SORCS3: variants seen among roughly 807,000 people sequenced by gnomAD.
SORCS3 encodes sortilin related VPS10 domain containing receptor 3.
In SORCS3, 57 loss-of-function variants were observed where a neutral mutation model predicts 146.3. The observed-to-expected ratio is 0.39, with a 90% CI of 0.31 to 0.49. SORCS3 has a LOEUF of 0.49. Among genes scored for constraint, SORCS3 ranks in the 20% least tolerant of loss-of-function variants. The pLI, the probability that SORCS3 is intolerant of heterozygous loss-of-function variation, is 0.92. For missense variants in SORCS3, 1,341 were observed against 1,575.5 expected (o/e 0.85, Z 2.52); for synonymous variants, 653 against 618.5 (o/e 1.06, Z -0.83).
Position 104,696,508 on chromosome 10 carries a change from AT to A in SORCS3, c.627+54555del, listed in dbSNP as rs1439862799. 1.9e-4 allele frequency among the ~76,000 whole-genome samples: 17 copies of A among 91,116 alleles called. 3 individuals carry two copies. The highest frequency in any genetic ancestry group is 7.5e-4 in the African/African-American group (15 of 20,046). 59.8% of individuals were successfully genotyped at this position (91,116 alleles called of 152,430 possible). A position where few individuals can be genotyped will look rare whatever the true frequency, so the allele number is the denominator to read the frequency against. On this transcript the variant is annotated intron_variant, in intron 1 of 26. Transcript: ENST00000369701. ...ATATAATATATAATATATATAATATATAATATATAATATAGAATATATATTA... is the reference window on the plus strand; with the variant it reads ...ATATAATATATAATATATATAATATAAATATATAATATAGAATATATATTA...
In SORCS3 at chr10:105,256,801, T is replaced by A; in HGVS notation, c.3338-18T>A. 1 of 1,597,658 alleles carries A rather than the reference T, an allele frequency of 6.3e-7. No homozygotes were observed. Among genetic ancestry groups the A allele is most frequent in the Non-Finnish European group, 8.6e-7 (1 of 1,165,216 alleles). ...GTGAGCATATCTGTTCTTTTCCTTA[T>A]CTGTTCTTCTTTCCAAGCTCCATTG... On this transcript the variant is annotated intron_variant, in intron 24 of 26. Transcript: ENST00000369701.
chr10:105,255,211 A>AAAAAT, intron 23 of SORCS3, among the ~76,000 whole-genome samples: 1 of 150,612 alleles, frequency 6.6e-6, no homozygotes. Flanking sequence ...AAAAAAAAAA[A>AAAAAT]GTGGATCTGC....
chr10:105,076,070 GTGTACATGTTCATTAA>G (rs2055586865), intron 5 of SORCS3, among the ~76,000 whole-genome samples: 1 of 152,172 alleles, frequency 6.6e-6, no homozygotes, highest in Admixed American at 6.5e-5. Context: ...TTGGAACCTG[GTGTACATGTTCATTAA>G]TGTGTTCTTG....
chr10:105,037,461 C>A (rs555068550), intron 4 of SORCS3, among the ~76,000 whole-genome samples: 15 of 152,202 alleles, frequency 9.9e-5, no homozygotes, highest in Admixed American at 7.2e-4. Flanking sequence ...CCCTGTGAAG[C>A]ATTTAGGGGA....
chr10:104,991,734 T>C (rs2054995800), intron 4 of SORCS3, among the ~76,000 whole-genome samples: 2 of 152,010 alleles, frequency 1.3e-5, no homozygotes, highest in African/African-American at 4.8e-5. Context: ...CTCCTGACCT[T>C]GTGATCCGCC....
chr10:104,653,913 A>AT (rs1158882566), intron 1 of SORCS3, among the ~76,000 whole-genome samples: 1 of 151,892 alleles, frequency 6.6e-6, no homozygotes, highest in Non-Finnish European at 1.5e-5. Flanking sequence ...CATTCATTTT[A>AT]TTTTTTGTAC....
intron 4 of SORCS3, among the ~76,000 whole-genome samples, chr10:104,988,730 CT>C (rs1162452910): frequency 6.6e-6 from 1 of 152,060 alleles, no homozygotes; most frequent in Non-Finnish European, 1.5e-5. Flanking sequence ...ATGTATTATG[CT>C]TTAAATGAAA....
chr10:104,938,493 A>G (rs1371834130), intron 3 of SORCS3, among the ~76,000 whole-genome samples: 1 of 152,028 alleles, frequency 6.6e-6, no homozygotes, highest in East Asian at 1.9e-4. Flanking sequence ...TAGATTCCCC[A>G]TGTTTCCTTT....
intron 1 of SORCS3, among the ~76,000 whole-genome samples, chr10:104,795,942 T>G (rs191823476): frequency 2.0e-5 from 3 of 152,344 alleles, no homozygotes; most frequent in Admixed American, 2.0e-4. Flanking sequence ...ACTTTAGCCT[T>G]CTCCATACTG....
chr10:104,730,608 A>G (rs1488915590), intron 1 of SORCS3, among the ~76,000 whole-genome samples: 3 of 152,206 alleles, frequency 2.0e-5, no homozygotes, highest in African/African-American at 7.2e-5. Context: ...CTGCTATATT[A>G]GTCTTTTCTC....
chr10:104,938,527 CT>C (rs1350933392), intron 3 of SORCS3, among the ~76,000 whole-genome samples: 3 of 151,442 alleles, frequency 2.0e-5, no homozygotes, highest in South Asian at 4.2e-4. Flanking sequence ...AGCACCAGTG[CT>C]TATGCCCATA....
At chr10:104,674,323 A>C (rs1564656332) in intron 1 of SORCS3, among the ~76,000 whole-genome samples, 1 of 152,234 alleles carries the variant, frequency 6.6e-6, no homozygotes, top group Non-Finnish European at 1.5e-5. Context: ...GACTGGACTC[A>C]GTAACTTGCT....
At position 105,170,331 on chromosome 10, in the gene SORCS3, T is replaced by G. The variant is rs1371360269; in HGVS notation, c.1901+2982T>G. ...TATTTATGTAGGACCAAATCATGAC[T>G]CTCAAAGTCATCACTACTAAGTTTG... On this transcript the variant is annotated intron_variant, in intron 13 of 26. Coordinates refer to ENST00000369701, the MANE Select transcript of SORCS3 (RefSeq NM_014978.3). Among the ~76,000 whole-genome samples the G allele has an allele frequency of 3.3e-5, 5 of 152,110 alleles. No individual in the cohort carries two copies. In the East Asian group the frequency reaches 9.7e-4, roughly 29 times the overall value.
At chr10:104,757,909 C>G (rs1308456695) in intron 1 of SORCS3, among the ~76,000 whole-genome samples, 3 of 142,092 alleles carry the variant, frequency 2.1e-5, no homozygotes, top group African/African-American at 7.8e-5. Flanking sequence ...GTCTAAAGTA[C>G]AAAGGGAAAG....
chr10:104,740,771 G>A lies in SORCS3; in HGVS notation c.627+98817G>A, dbSNP rs181340662. 1.7e-4 allele frequency among the ~76,000 whole-genome samples: 26 copies of A among 152,276 alleles called. No individual in the cohort carries two copies. In the East Asian group the frequency reaches 4.2e-3, roughly 25 times the overall value. ...GGAAAGTGGTTTGTATGTATGTATG[G>A]AGAAATAATAATGTAGAAGGGGTGA... is the stretch of plus-strand genomic sequence containing the variant. On this transcript the variant is annotated intron_variant, in intron 1 of 26. Transcript: ENST00000369701.
At position 104,833,820 on chromosome 10, in the gene SORCS3, C is replaced by T. The variant is rs2018035523; in HGVS notation, c.628-8972C>T. On this transcript the variant is annotated intron_variant, in intron 1 of 26. Coordinates refer to ENST00000369701, the MANE Select transcript of SORCS3 (RefSeq NM_014978.3). ...AACTCTCTTCTCTGAACCCCAGACT[C>T]ATTTATCCAGCTCAGTGTTTGACTT... 3.3e-5 allele frequency among the ~76,000 whole-genome samples: 5 copies of T among 152,166 alleles called. No individual in the cohort carries two copies. In the South Asian group the frequency reaches 8.3e-4, roughly 25 times the overall value.
intron 3 of SORCS3, among the ~76,000 whole-genome samples, chr10:104,933,516 C>A (rs1439168678): frequency 6.6e-6 from 1 of 152,044 alleles, no homozygotes; most frequent in African/African-American, 2.4e-5. Context: ...TGGGGCCCAG[C>A]CTCCTCTAAG....
At chr10:105,093,763 A>G (rs2055726151) in intron 6 of SORCS3, among the ~76,000 whole-genome samples, 1 of 152,204 alleles carries the variant, frequency 6.6e-6, no homozygotes, top group Non-Finnish European at 1.5e-5. Flanking sequence ...GTAAAGCAAT[A>G]GAACTCTCAT....
chr10:105,222,044 CT>C (rs34795700), intron 19 of SORCS3, among the ~76,000 whole-genome samples: 1,387 of 76,510 alleles, frequency 0.018, 20 homozygotes, highest in African/African-American at 0.064. Flanking sequence ...TACCTTAACA[CT>C]TTTTTTTTTT....
Sources: gnomAD v4.1 joint callset for allele counts (sites outside exome capture counted in the v4.1 genomes callset) on GRCh38, gnomAD v4.1.1 for gene constraint, MANE v1.5 for transcripts, NCBI Gene and HGNC (gene_info 2026-07-23, HGNC 2026-07-21) for gene names.